LIN9: variants seen among roughly 807,000 people sequenced by gnomAD.
The protein encoded by LIN9 is lin-9 DREAM MuvB core complex component.
LIN9 carries 18 observed loss-of-function variants against 78.0 expected under a neutral mutation model. That is an observed-to-expected ratio of 0.23 (90% CI 0.16 to 0.34). The LOEUF is 0.34. Ranked by LOEUF, LIN9 falls within the 10% of genes least tolerant of loss-of-function variation. The pLI, the probability that LIN9 is intolerant of heterozygous loss-of-function variation, is 1.00. For missense variants in LIN9, 451 were observed against 644.1 expected (o/e 0.70, Z 3.25); for synonymous variants, 192 against 215.2 (o/e 0.89, Z 0.94).
intron 2 of LIN9, among the ~76,000 whole-genome samples, chr1:226,300,695 A>C (rs1277681478): frequency 3.3e-5 from 5 of 152,180 alleles, no homozygotes; most frequent in Non-Finnish European, 7.3e-5. Context: ...GTCTCTACTG[A>C]AATTACAAAA....
At chr1:226,292,431 G>C (rs1045142835) in intron 4 of LIN9, among the ~76,000 whole-genome samples, 4 of 151,862 alleles carry the variant, frequency 2.6e-5, no homozygotes, top group African/African-American at 9.7e-5. Flanking sequence ...AAGTGCTACA[G>C]GCGGGCACCA....
chr1:226,237,191 A>T (rs1309572404), intron 12 of LIN9, among the ~76,000 whole-genome samples: 1 of 152,204 alleles, frequency 6.6e-6, no homozygotes, highest in Non-Finnish European at 1.5e-5. Flanking sequence ...TGCATGTACC[A>T]TCAGCTTTGT....
At chr1:226,279,050 A>G (rs1660866493) in intron 6 of LIN9, among the ~76,000 whole-genome samples, 1 of 151,828 alleles carries the variant, frequency 6.6e-6, no homozygotes, top group Admixed American at 6.6e-5. Context: ...AGTCCCTGGT[A>G]CTTGGGAGGC....
At chr1:226,248,295 A>G (rs1395362472) in intron 11 of LIN9, among the ~76,000 whole-genome samples, 2 of 152,090 alleles carry the variant, frequency 1.3e-5, no homozygotes, top group African/African-American at 2.4e-5. Flanking sequence ...ATATTTGCCA[A>G]CTCTGGATCT....
At chr1:226,304,330 C>CT (rs1335046882) in intron 1 of LIN9, among the ~76,000 whole-genome samples, 9 of 152,098 alleles carry the variant, frequency 5.9e-5, no homozygotes, top group Non-Finnish European at 1.3e-4. Flanking sequence ...CTCTCTCAAA[C>CT]TTTGTGAAAA....
At chr1:226,301,690 G>T (rs1460177877) in intron 1 of LIN9, among the ~76,000 whole-genome samples, 2 of 152,208 alleles carry the variant, frequency 1.3e-5, no homozygotes, top group African/African-American at 2.4e-5. Context: ...GATACTTCAA[G>T]ATCTAAGCTG....
chr1:226,300,859 C>T (rs1662489228), intron 2 of LIN9, among the ~76,000 whole-genome samples: 2 of 152,230 alleles, frequency 1.3e-5, no homozygotes, highest in South Asian at 4.1e-4. Flanking sequence ...GTCTCAAAAA[C>T]AAACAAACAA....
At chr1:226,236,222 G>A (rs530463008) in intron 12 of LIN9, among the ~76,000 whole-genome samples, 38 of 151,072 alleles carry the variant, frequency 2.5e-4, no homozygotes, top group African/African-American at 9.0e-4. Context: ...TACACAAATC[G>A]TAAAGTGTAC....
Position 226,276,252 on chromosome 1 carries a change from G to A in LIN9, c.682+1523C>T, listed in dbSNP as rs150674925. Among the ~76,000 whole-genome samples the A allele has an allele frequency of 5.3e-5, 8 of 152,260 alleles. No individual in the cohort carries two copies. In the East Asian group the frequency reaches 7.7e-4, roughly 15 times the overall value. ...AATGAGTCTGAGAGTCACTCTTCACGTCAGCATTTCTCTGGCATAAATCAG... is the reference window on the plus strand; with the variant it reads ...AATGAGTCTGAGAGTCACTCTTCACATCAGCATTTCTCTGGCATAAATCAG... On this transcript the variant is annotated intron_variant, in intron 7 of 14. Transcript: ENST00000681046.
At chr1:226,308,125 A>C (rs1029548871) in intron 1 of LIN9, among the ~76,000 whole-genome samples, 1 of 152,264 alleles carries the variant, frequency 6.6e-6, no homozygotes, top group African/African-American at 2.4e-5. Flanking sequence ...ACAAATATGT[A>C]TAAACTGAAT....
chr1:226,274,037 C>A (rs534678895), intron 7 of LIN9, among the ~76,000 whole-genome samples: 1 of 151,910 alleles, frequency 6.6e-6, no homozygotes, highest in Non-Finnish European at 1.5e-5. Context: ...AGGGTTTCAC[C>A]ATGTTGGTCA....
chr1:226,287,624 T>A, intron 5 of LIN9, 40 bp downstream of exon 5: 1 of 1,399,466 alleles, frequency 7.1e-7, no homozygotes, highest in Non-Finnish European at 9.6e-7. Flanking sequence ...CTTAAATTTC[T>A]GATTCAAGTA....
intron 6 of LIN9, among the ~76,000 whole-genome samples, chr1:226,284,081 T>C (rs1661250007): frequency 6.6e-6 from 1 of 152,200 alleles, no homozygotes; most frequent in Non-Finnish European, 1.5e-5. Flanking sequence ...TATTTCCTAG[T>C]TGTAAGGCAT....
chr1:226,309,089 T>C lies in LIN9; in HGVS notation c.31+20A>G. The C allele has an allele frequency of 7.7e-7, 1 of 1,299,644 alleles. No individual in the cohort carries two copies. Among genetic ancestry groups the C allele is most frequent in the Non-Finnish European group, 9.8e-7 (1 of 1,016,648 alleles). 80.5% of individuals were successfully genotyped at this position (1,299,644 alleles called of 1,614,324 possible). A position where few individuals can be genotyped will look rare whatever the true frequency, so the allele number is the denominator to read the frequency against. On this transcript the variant is annotated intron_variant, in intron 1 of 14. Coordinates refer to ENST00000681046, the MANE Select transcript of LIN9 (RefSeq NM_001366245.2). ...AGCAGCAGGCGGGAAAAGGGGGGGG[T>C]GCTTTGAGGTGCTACTCACTCTCGT...
chr1:226,233,356 C>T lies in LIN9; in HGVS notation c.1413G>A (p.Leu471=), dbSNP rs1248670884. 1.2e-6 allele frequency: 2 copies of T among 1,608,586 alleles called. No individual in the cohort carries two copies. The highest frequency in any genetic ancestry group is 1.7e-5 in the Admixed American group (1 of 59,088). The change falls in exon 13 of 15, where the codon TTG becomes TTA. Residue 471 remains leucine, a synonymous_variant. Transcript: ENST00000681046. The part of the protein sequence containing the change: ...TDLISRLTAI[L]LQIKCLAEGG... ...CTCTAAGATTTACCTTAATTTGTAA[C>T]AAAATAGCTGTAAGCCTGGAAATTA...
chr1:226,273,785 T>G (rs1366189518), intron 7 of LIN9, among the ~76,000 whole-genome samples: 1 of 151,928 alleles, frequency 6.6e-6, no homozygotes, highest in Non-Finnish European at 1.5e-5. Flanking sequence ...CATACTAAAG[T>G]TTTTGAGCCA....
intron 12 of LIN9, among the ~76,000 whole-genome samples, chr1:226,233,889 T>G (rs551061703): frequency 5.9e-5 from 9 of 152,348 alleles, no homozygotes; most frequent in Admixed American, 2.6e-4. Flanking sequence ...TGTGCCTCAT[T>G]ACCTCTAATC....
At chr1:226,289,498 G>T (rs1661588719) in intron 4 of LIN9, among the ~76,000 whole-genome samples, 2 of 151,996 alleles carry the variant, frequency 1.3e-5, no homozygotes, top group South Asian at 4.1e-4. Context: ...AAGTAGCTGG[G>T]ACTGCAGGCA....
At position 226,265,603 on chromosome 1, in the gene LIN9, C is replaced by T. The variant is rs1331218170; in HGVS notation, c.968G>A (p.Trp323Ter). 1 of 1,609,308 alleles carries T rather than the reference C, an allele frequency of 6.2e-7. No homozygotes were observed. Among genetic ancestry groups the T allele is most frequent in the South Asian group, 1.1e-5 (1 of 90,940 alleles). The change falls in exon 10 of 15, where the codon TGG becomes TAG. Residue 323 changes from tryptophan to a stop codon, truncating the protein, a stop_gained. Transcript: ENST00000681046. LOFTEE classifies it high-confidence loss of function. The surrounding 1 kb of genome is among the most constrained non-coding windows in gnomAD (Gnocchi z 4.1). ...DNDPLLGQSP[W>*]RSKISGSDTE... Reference sequence around the variant, plus strand: ...GTCAGAGCCAGAAATTTTACTTCTCCACGGCGACTGTCCTAATAAAGGATC... The same window carrying T: ...GTCAGAGCCAGAAATTTTACTTCTCTACGGCGACTGTCCTAATAAAGGATC...
Sources: gnomAD v4.1 joint callset for allele counts (sites outside exome capture counted in the v4.1 genomes callset) on GRCh38, gnomAD v4.1.1 for gene constraint, Gnocchi (gnomAD v3.1) non-coding constraint, MANE v1.5 for transcripts, NCBI Gene and HGNC (gene_info 2026-07-23, HGNC 2026-07-21) for gene names.